Variants in MSRA observed in about 807,000 individuals in gnomAD.
The protein encoded by MSRA is methionine sulfoxide reductase A.
MSRA carries 54 observed loss-of-function variants against 31.3 expected under a neutral mutation model. The observed-to-expected ratio is 1.73, with a 90% confidence interval of 1.39 to 2.17. The LOEUF is 2.17. Ranked by LOEUF, MSRA falls within the 30% of genes most tolerant of loss-of-function variation. The pLI is 0.00. For synonymous variants in MSRA, 169 were observed against 116.5 expected (o/e 1.45, Z -2.90); for missense variants, 507 against 300.9 (o/e 1.69, Z -5.07).
chr8:10,213,431 T>A (rs1038008297), intron 2 of MSRA, among the ~76,000 whole-genome samples: 3 of 138,404 alleles, frequency 2.2e-5, no homozygotes, highest in Admixed American at 7.5e-5. Flanking sequence ...TACCACACTT[T>A]CTTTTTTTTT....
intron 5 of MSRA, among the ~76,000 whole-genome samples, chr8:10,350,397 T>G (rs1804053719): frequency 6.6e-6 from 1 of 152,232 alleles, no homozygotes; most frequent in South Asian, 2.1e-4. Context: ...GCCGGATGCT[T>G]CTGCCTTCGC....
intron 3 of MSRA, among the ~76,000 whole-genome samples, chr8:10,255,950 C>A (rs1374533406): frequency 1.3e-5 from 2 of 152,164 alleles, no homozygotes; most frequent in African/African-American, 4.8e-5. Context: ...AACATCCCCA[C>A]CTGAGTGGTG....
At chr8:10,292,642 C>G (rs1457470286) in intron 3 of MSRA, among the ~76,000 whole-genome samples, 2 of 152,222 alleles carry the variant, frequency 1.3e-5, no homozygotes, top group African/African-American at 2.4e-5. Flanking sequence ...TGGCCGGGCT[C>G]TCTCCCTGCA....
intron 5 of MSRA, among the ~76,000 whole-genome samples, chr8:10,327,736 A>C (rs545349608): frequency 2.6e-5 from 4 of 152,300 alleles, no homozygotes; most frequent in South Asian, 4.1e-4. Flanking sequence ...GATCGAGACT[A>C]TCCTGGCTAA....
At chr8:10,421,856 A>C (rs368178436) in intron 5 of MSRA, among the ~76,000 whole-genome samples, 25 of 152,162 alleles carry the variant, frequency 1.6e-4, no homozygotes, top group East Asian at 5.8e-4. Flanking sequence ...TCTGCTGCTC[A>C]GCCATAGAAA....
intron 2 of MSRA, among the ~76,000 whole-genome samples, chr8:10,210,455 A>C (rs143098673): frequency 6.6e-6 from 1 of 152,268 alleles, no homozygotes; most frequent in East Asian, 1.9e-4. Flanking sequence ...CCATTTAGCA[A>C]ATCGATTTGT....
chr8:10,221,031 C>A (rs1810447439), intron 2 of MSRA, among the ~76,000 whole-genome samples: 1 of 152,176 alleles, frequency 6.6e-6, no homozygotes, highest in Non-Finnish European at 1.5e-5. Context: ...AGGCCTCACA[C>A]TGACAGCTCT....
At chr8:10,220,255 T>C (rs1810375369) in intron 2 of MSRA, among the ~76,000 whole-genome samples, 1 of 152,368 alleles carries the variant, frequency 6.6e-6, no homozygotes, top group African/African-American at 2.4e-5. Context: ...GTTTCCTTGC[T>C]GAGCTCACTG....
chr8:10,415,076 G>C (rs1472500164), intron 5 of MSRA, among the ~76,000 whole-genome samples: 1 of 152,218 alleles, frequency 6.6e-6, no homozygotes, highest in Non-Finnish European at 1.5e-5. Flanking sequence ...AAACCATCCT[G>C]CGGGTGGAGG....
chr8:10,292,717 C>T (rs1399736095), intron 3 of MSRA, among the ~76,000 whole-genome samples: 4 of 152,218 alleles, frequency 2.6e-5, no homozygotes. Flanking sequence ...CTCGAGGGGA[C>T]CCTGAAAGCA....
intron 2 of MSRA, among the ~76,000 whole-genome samples, chr8:10,230,758 G>A (rs944955424): frequency 3.3e-5 from 5 of 152,126 alleles, no homozygotes; most frequent in African/African-American, 1.2e-4. Flanking sequence ...TAAGATTCTT[G>A]CATCTTACCT....
At chr8:10,335,250 G>GTTTTTTTTTTTTTTTTT (rs1170264568) in intron 5 of MSRA, among the ~76,000 whole-genome samples, 6 of 79,884 alleles carry the variant, frequency 7.5e-5, no homozygotes, top group African/African-American at 1.1e-4. Context: ...TCCCAGCTCT[G>GTTTTTTTTTTTTTTTTT]TTTTTTTTTT....
At chr8:10,058,222 C>A (rs73526756) in intron 1 of MSRA, among the ~76,000 whole-genome samples, 5,051 of 151,722 alleles carry the variant, frequency 0.033, 246 homozygotes, top group African/African-American at 0.11. Flanking sequence ...AACAGTAGAA[C>A]AATGTATTAA....
At chr8:10,113,287 G>GTTTTTTTTTTTTTTTT (rs1412167930) in intron 1 of MSRA, among the ~76,000 whole-genome samples, 3 of 6,304 alleles carry the variant, frequency 4.8e-4, no homozygotes, top group Non-Finnish European at 7.1e-4. Context: ...GTGAAGACAG[G>GTTTTTTTTTTTTTTTT]TCTTCTTTTT....
chr8:10,077,821 ACTGTTGGTGT>A (rs1306965185), intron 1 of MSRA, among the ~76,000 whole-genome samples: 2 of 151,964 alleles, frequency 1.3e-5, no homozygotes, highest in African/African-American at 2.4e-5. Flanking sequence ...TTAGGAGGAG[ACTGTTGGTGT>A]CCATTGGTCC....
At chr8:10,390,105 C>T (rs1236193790) in intron 5 of MSRA, among the ~76,000 whole-genome samples, 4 of 152,328 alleles carry the variant, frequency 2.6e-5, no homozygotes, top group East Asian at 1.9e-4. Flanking sequence ...CCACATTCCC[C>T]GTGAGATCTG....
At chr8:10,182,921 C>G (rs905566091) in intron 1 of MSRA, among the ~76,000 whole-genome samples, 3 of 152,206 alleles carry the variant, frequency 2.0e-5, no homozygotes. Context: ...GTGTATCCAG[C>G]TGAAATCCTG....
At chr8:10,414,536 C>T (rs535963267) in intron 5 of MSRA, among the ~76,000 whole-genome samples, 13 of 152,274 alleles carry the variant, frequency 8.5e-5, no homozygotes, top group East Asian at 5.8e-4. Flanking sequence ...CTCTGTCAAC[C>T]GTCTGCAGTG....
intron 1 of MSRA, among the ~76,000 whole-genome samples, chr8:10,074,058 C>CTT (rs534642712): frequency 6.8e-5 from 2 of 29,456 alleles, no homozygotes; most frequent in Non-Finnish European, 1.2e-4. Flanking sequence ...AAGGGAGGTG[C>CTT]TTTTTTTTTT....
Sources: gnomAD v4.1 joint callset for allele counts (sites outside exome capture counted in the v4.1 genomes callset) on GRCh38, gnomAD v4.1.1 for gene constraint, MANE v1.5 for transcripts, NCBI Gene and HGNC (gene_info 2026-07-23, HGNC 2026-07-21) for gene names.